PKD2: variants seen among roughly 807,000 people sequenced by gnomAD.
PKD2 encodes the protein polycystin-2.
In PKD2, 48 loss-of-function variants were observed where a neutral mutation model predicts 105.9. That is an observed-to-expected ratio of 0.45 (90% CI 0.36 to 0.58). The LOEUF (loss-of-function observed/expected upper bound fraction) is 0.58. Ranked by LOEUF, PKD2 falls within the 20% of genes least tolerant of loss-of-function variation. The pLI, the probability that PKD2 is intolerant of heterozygous loss-of-function variation, is 0.00. For synonymous variants in PKD2, 464 were observed against 481.1 expected (o/e 0.96, Z 0.46); for missense variants, 1,078 against 1,255.3 (o/e 0.86, Z 2.13).
intron 10 of PKD2, among the ~76,000 whole-genome samples, chr4:88,065,043 G>T (rs150471557): frequency 6.6e-6 from 1 of 152,240 alleles, no homozygotes; most frequent in Admixed American, 6.5e-5. Context: ...GTATTCCTAA[G>T]AACTGTTGCA....
At chr4:88,040,949 C>T (rs1289593847) in intron 4 of PKD2, among the ~76,000 whole-genome samples, 2 of 152,096 alleles carry the variant, frequency 1.3e-5, no homozygotes, top group African/African-American at 4.8e-5. Context: ...TGCTAGAAGT[C>T]CCCCCTCTTC....
chr4:88,053,656 CAAAA>C (rs10717181), intron 7 of PKD2, among the ~76,000 whole-genome samples: 2 of 117,770 alleles, frequency 1.7e-5, no homozygotes, highest in African/African-American at 2.8e-5. Context: ...GACCCTGTCT[CAAAA>C]AAAAAAAAAA....
rs137907241 is a variant in PKD2, at chr4:88,040,302, C to G, written c.1094+1801C>G. Among the ~76,000 whole-genome samples, 62 of 152,236 alleles carry G rather than the reference C, an allele frequency of 4.1e-4. 1 individual carries two copies. The East Asian group carries it at 8.7e-3, about 21-fold the overall frequency. ...GTGGCTTGTCGACGCTCTCAGCTCC[C>G]CATCAGTACTCAAGCTTCCTGAGGG... On this transcript the variant is annotated intron_variant, in intron 4 of 14. Transcript: ENST00000237596.
chr4:88,033,441 A>AAAG (rs1418599457), intron 2 of PKD2, among the ~76,000 whole-genome samples: 6 of 152,000 alleles, frequency 3.9e-5, no homozygotes, highest in East Asian at 3.9e-4. Context: ...AAAAAAAAAA[A>AAAG]AAGTTACAAT....
chr4:88,029,335 A>T (rs545915306), intron 2 of PKD2, among the ~76,000 whole-genome samples: 1 of 152,262 alleles, frequency 6.6e-6, no homozygotes, highest in South Asian at 2.1e-4. Flanking sequence ...TAATGCTTCA[A>T]CTAGTACTTG....
intron 1 of PKD2, 50 bp downstream of exon 1, chr4:88,008,378 C>A: frequency 6.7e-7 from 1 of 1,481,758 alleles, no homozygotes; most frequent in Non-Finnish European, 8.9e-7. Flanking sequence ...GAACGGCCGG[C>A]GCCGGCCGGG....
intron 13 of PKD2, among the ~76,000 whole-genome samples, chr4:88,072,325 C>T (rs1721067487): frequency 6.6e-6 from 1 of 151,984 alleles, no homozygotes; most frequent in Non-Finnish European, 1.5e-5. Flanking sequence ...GTCTCTTTCC[C>T]TGGTTCTCTC....
At chr4:88,035,038 A>G (rs1727285066) in intron 2 of PKD2, among the ~76,000 whole-genome samples, 1 of 152,310 alleles carries the variant, frequency 6.6e-6, no homozygotes, top group South Asian at 2.1e-4. Flanking sequence ...CAGCCATTGT[A>G]CTAGATAAAT....
chr4:88,067,879 G>T lies in PKD2; in HGVS notation c.2359-19G>T. The T allele has an allele frequency of 1.2e-6, 2 of 1,612,020 alleles. No individual in the cohort carries two copies. Among genetic ancestry groups the T allele is most frequent in the Non-Finnish European group, 1.7e-6 (2 of 1,179,256 alleles). On this transcript the variant is annotated intron_variant, in intron 12 of 14. Coordinates refer to ENST00000237596, the MANE Select transcript of PKD2 (RefSeq NM_000297.4). ...GTCTCAGTGTTCTGCTCCTCACTCA[G>T]TGACCCCTTGTTCTTCAGGAGGACC...
intron 2 of PKD2, among the ~76,000 whole-genome samples, chr4:88,033,332 T>C (rs1180099992): frequency 2.0e-5 from 3 of 150,944 alleles, no homozygotes. Context: ...GAAGCTGAGG[T>C]GGGAGGATCA....
At chr4:88,057,869 G>C (rs1157958252) in intron 8 of PKD2, 114 bp from the exon 9 acceptor site, 1 of 810,368 alleles carries the variant, frequency 1.2e-6, no homozygotes, top group Non-Finnish European at 2.2e-6. Flanking sequence ...TTATTCGGCA[G>C]CTACCTATAC....
At chr4:88,051,049 GGTT>G (rs1459760170) in intron 6 of PKD2, among the ~76,000 whole-genome samples, 6 of 152,232 alleles carry the variant, frequency 3.9e-5, no homozygotes, top group African/African-American at 1.4e-4. Flanking sequence ...GGTGGGGCCA[GGTT>G]GTTATGACTA....
rs892546343 is a variant in PKD2 at position 88,008,339 on chromosome 4, G to T, written c.595+11G>T. The T allele has an allele frequency of 2.7e-5, 41 of 1,512,056 alleles. 1 individual carries two copies. The highest frequency in any genetic ancestry group is 3.3e-5 in the Non-Finnish European group (38 of 1,136,184). The allele number at this position is 1,512,056 out of a possible 1,614,324, so 93.7% of individuals were successfully genotyped here. ...TTCGCGGGCTGCGAGGTAAGAGCGC[G>T]CGACCCGCAGCGGCAGATGCACGAA... On this transcript the variant is annotated intron_variant, in intron 1 of 14. Transcript: ENST00000237596.
At chr4:88,059,290 T>C (rs1473033312) in intron 9 of PKD2, among the ~76,000 whole-genome samples, 2 of 152,198 alleles carry the variant, frequency 1.3e-5, no homozygotes, top group Non-Finnish European at 2.9e-5. Context: ...TTTTTAAACT[T>C]ACACCTCTTA....
In PKD2 at chr4:88,077,479, C is replaced by G. The variant is rs1276509963; in HGVS notation, c.*1785C>G. 1 of 152,582 alleles carries G rather than the reference C, an allele frequency of 6.6e-6. No homozygotes were observed. 9.5% of individuals were successfully genotyped at this position (152,582 alleles called of 1,614,324 possible). The stretch of plus-strand genomic sequence containing the variant: ...TTATGTGGTATCCATGTGTATCGAC[C>G]ATGTGCCATATATCAATTATGGTCA... On this transcript the variant is annotated 3_prime_UTR_variant, in exon 15 of 15. Transcript: ENST00000237596.
At chr4:88,025,797 A>T (rs1469931124) in intron 2 of PKD2, among the ~76,000 whole-genome samples, 2 of 152,232 alleles carry the variant, frequency 1.3e-5, no homozygotes, top group East Asian at 3.9e-4. Flanking sequence ...TGTTCTCATG[A>T]TAGTGAGTGA....
In PKD2 at chr4:88,076,027, A is replaced by G. The variant is rs1163601756; in HGVS notation, c.*333A>G. 2.5e-5 allele frequency: 7 copies of G among 281,742 alleles called. No individual in the cohort carries two copies. The highest frequency in any genetic ancestry group is 8.6e-5 in the East Asian group (1 of 11,620). 17.5% of individuals were successfully genotyped at this position (281,742 alleles called of 1,614,324 possible). A position where few individuals can be genotyped will look rare whatever the true frequency, so the allele number is the denominator to read the frequency against. On this transcript the variant is annotated 3_prime_UTR_variant, in exon 15 of 15. Coordinates refer to ENST00000237596, the MANE Select transcript of PKD2 (RefSeq NM_000297.4). ...GCCTTTTAAAGCTAGAAAACTGTCAAAGGGCTTCTGAGTTTCATTTCCAGT... is the reference window on the plus strand; with the variant it reads ...GCCTTTTAAAGCTAGAAAACTGTCAGAGGGCTTCTGAGTTTCATTTCCAGT...
chr4:88,044,848 C>A (rs4555590), intron 5 of PKD2, among the ~76,000 whole-genome samples: 6,111 of 151,746 alleles, frequency 0.04, 159 homozygotes, highest in South Asian at 0.11. Context: ...TTCAGATTTT[C>A]ACATTAGAAA....
At chr4:88,065,133 A>G (rs752545775) in intron 10 of PKD2, among the ~76,000 whole-genome samples, 1 of 152,162 alleles carries the variant, frequency 6.6e-6, no homozygotes, top group Non-Finnish European at 1.5e-5. Flanking sequence ...GAATACACAT[A>G]TGAGTAAAAG....
Sources: gnomAD v4.1 joint callset for allele counts (sites outside exome capture counted in the v4.1 genomes callset) on GRCh38, gnomAD v4.1.1 for gene constraint, MANE v1.5 for transcripts, NCBI Gene and HGNC (gene_info 2026-07-23, HGNC 2026-07-21) for gene names.